The following CPED1 variants were observed in gnomAD, a reference collection of about 807,000 sequenced individuals.
CPED1 encodes cadherin-like and PC-esterase domain-containing protein 1.
In CPED1, 114 loss-of-function variants were observed where a neutral mutation model predicts 128.2. The observed-to-expected ratio is 0.89, with a 90% CI of 0.76 to 1.04. CPED1 has a LOEUF of 1.04. Ranked by LOEUF, CPED1 falls within the 50% of genes least tolerant of loss-of-function variation. The probability of loss-of-function intolerance (pLI) is 0.00; values close to 1 mark genes in which losing one functional copy is unlikely to be tolerated. For missense variants in CPED1, 1,211 were observed against 1,207.1 expected, an observed-to-expected ratio of 1.00 and a Z score of -0.05; for synonymous variants, 462 against 426.7, an observed-to-expected ratio of 1.08 and a Z score of -1.02.
intron 16 of CPED1, among the ~76,000 whole-genome samples, chr7:121,222,941 C>A (rs959013380): frequency 6.6e-6 from 1 of 152,154 alleles, no homozygotes; most frequent in Non-Finnish European, 1.5e-5. Context: ...AACTAATACC[C>A]TTTATTTCTT....
At chr7:121,012,678 A>G (rs1792190938) in intron 2 of CPED1, among the ~76,000 whole-genome samples, 1 of 152,204 alleles carries the variant, frequency 6.6e-6, no homozygotes, top group Non-Finnish European at 1.5e-5. Flanking sequence ...CTGCTGATAC[A>G]GTGTGTTATA....
chr7:121,110,127 A>G (rs1795072362), intron 7 of CPED1, among the ~76,000 whole-genome samples: 1 of 152,210 alleles, frequency 6.6e-6, no homozygotes, highest in African/African-American at 2.4e-5. Context: ...AAATCTGCTT[A>G]CATCTATGGA....
At chr7:120,993,411 G>C (rs992060015) in intron 2 of CPED1, among the ~76,000 whole-genome samples, 9 of 152,112 alleles carry the variant, frequency 5.9e-5, no homozygotes, top group African/African-American at 1.2e-4. Flanking sequence ...TTTGTTGACT[G>C]TTGCTTGACT....
rs748381558 is a variant in CPED1 at position 121,142,022 on chromosome 7, G to A, written c.1936G>A (p.Val646Ile). The A allele has an allele frequency of 8.1e-6, 13 of 1,612,560 alleles. No homozygotes were observed. In the African/African-American group the frequency reaches 1.3e-4, roughly 17 times the overall value. Reference sequence around the variant, plus strand: ...AGGAATGAACAAAATCTCAATATTTGTTGTGGATGAATCTCCAGCACACGG... The same window carrying A: ...AGGAATGAACAAAATCTCAATATTTATTGTGGATGAATCTCCAGCACACGG... ...GLGMNKISIFVVDESPAHGET... is the reference protein window; with the variant it reads ...GLGMNKISIFIVDESPAHGET... The change falls in exon 16 of 23, where the codon GTT becomes ATT. Residue 646 changes from valine (V) to isoleucine (I), a missense_variant. Val to Ile is a conservative substitution (Grantham distance 29). Coordinates refer to ENST00000310396, the MANE Select transcript of CPED1 (RefSeq NM_024913.5).
At chr7:121,233,870 C>T (rs1330963720) in intron 16 of CPED1, among the ~76,000 whole-genome samples, 2 of 152,062 alleles carry the variant, frequency 1.3e-5, no homozygotes. Flanking sequence ...GGTAGCTCCA[C>T]AGCATCACCA....
intron 16 of CPED1, among the ~76,000 whole-genome samples, chr7:121,190,314 AGTAGAGCG>A (rs2116526188): frequency 6.8e-6 from 1 of 146,108 alleles, no homozygotes; most frequent in Non-Finnish European, 1.5e-5. Flanking sequence ...AGAAACAGTG[AGTAGAGCG>A]GGGAGGTTGC....
intron 5 of CPED1, among the ~76,000 whole-genome samples, chr7:121,068,819 G>A (rs1249239418): frequency 1.3e-5 from 2 of 151,982 alleles, no homozygotes. Flanking sequence ...TCTCCTTGAA[G>A]AGGTCCTTCA....
chr7:121,071,423 G>A (rs1793987106), intron 5 of CPED1, among the ~76,000 whole-genome samples: 1 of 152,038 alleles, frequency 6.6e-6, no homozygotes, highest in Non-Finnish European at 1.5e-5. Context: ...GCTAGCCAAG[G>A]ATGACACTGA....
intron 18 of CPED1, among the ~76,000 whole-genome samples, chr7:121,254,925 C>A (rs1798768812): frequency 1.3e-5 from 2 of 148,906 alleles, no homozygotes; most frequent in Non-Finnish European, 3.0e-5. Flanking sequence ...AAAAAACATA[C>A]CAATCAAAAC....
chr7:121,011,259 A>G (rs895592062), intron 2 of CPED1, among the ~76,000 whole-genome samples: 12 of 152,162 alleles, frequency 7.9e-5, no homozygotes, highest in African/African-American at 2.2e-4. Context: ...TTGAAGAGCT[A>G]TATTTCTTGG....
In CPED1 at chr7:121,130,537, T is replaced by C. The variant is rs140355314; in HGVS notation, c.1577+243T>C. Among the ~76,000 whole-genome samples the C allele has an allele frequency of 6.7e-3, 1,016 of 152,216 alleles. 10 individuals carry two copies. The highest frequency in any genetic ancestry group is 0.023 in the African/African-American group (943 of 41,558). ...CCAACAAGACTTGACTCCACTATAA[T>C]GTTTAGAATTGAAAGTTTCAATCTA... On this transcript the variant is annotated intron_variant, in intron 12 of 22. Coordinates refer to ENST00000310396, the MANE Select transcript of CPED1 (RefSeq NM_024913.5).
intron 5 of CPED1, among the ~76,000 whole-genome samples, 189 bp downstream of exon 5, chr7:121,064,502 C>T (rs553522109): frequency 2.6e-5 from 4 of 152,294 alleles, no homozygotes; most frequent in South Asian, 2.1e-4. Flanking sequence ...ACAACCGTAA[C>T]GTAACACTGG....
chr7:121,266,655 GT>G (rs1435414957), intron 19 of CPED1, 51 bp from the exon 20 acceptor site: 1 of 1,413,762 alleles, frequency 7.1e-7, no homozygotes, highest in Non-Finnish European at 1.0e-6. Flanking sequence ...CAGTTACAAT[GT>G]TTACCTTCTG....
intron 4 of CPED1, among the ~76,000 whole-genome samples, chr7:121,059,985 G>T (rs1472376346): frequency 6.6e-6 from 1 of 152,132 alleles, no homozygotes; most frequent in African/African-American, 2.4e-5. Context: ...AGGCGCGAGC[G>T]GGAACCCGGG....
chr7:121,091,511 ATTGTAGCTACTCT>A (rs1794571375), intron 5 of CPED1, among the ~76,000 whole-genome samples: 2 of 152,184 alleles, frequency 1.3e-5, no homozygotes, highest in African/African-American at 4.8e-5. Context: ...AAGGAATAAC[ATTGTAGCTACTCT>A]TTGAAATTTC....
At chr7:121,153,454 AT>A (rs1796205571) in intron 16 of CPED1, among the ~76,000 whole-genome samples, 1 of 152,226 alleles carries the variant, frequency 6.6e-6, no homozygotes, top group African/African-American at 2.4e-5. Flanking sequence ...GATGCATTGC[AT>A]CTGATAATTA....
chr7:121,173,665 C>T (rs1022865077), intron 16 of CPED1, among the ~76,000 whole-genome samples: 4 of 152,048 alleles, frequency 2.6e-5, no homozygotes, highest in African/African-American at 9.7e-5. Context: ...CATGTCATTG[C>T]TGTTGTGAAT....
At chr7:121,038,925 C>T (rs1792973573) in intron 3 of CPED1, among the ~76,000 whole-genome samples, 2 of 152,032 alleles carry the variant, frequency 1.3e-5, no homozygotes, top group South Asian at 4.1e-4. Flanking sequence ...GTTTGTACTA[C>T]CCACATGACT....
intron 16 of CPED1, among the ~76,000 whole-genome samples, chr7:121,221,004 A>G (rs1797862727): frequency 6.6e-6 from 1 of 152,020 alleles, no homozygotes; most frequent in Non-Finnish European, 1.5e-5. Context: ...GTTCTAGGGT[A>G]TAAGTGCACA....
Sources: gnomAD v4.1 joint callset for allele counts (sites outside exome capture counted in the v4.1 genomes callset) on GRCh38, gnomAD v4.1.1 for gene constraint, MANE v1.5 for transcripts, NCBI Gene and HGNC (gene_info 2026-07-23, HGNC 2026-07-21) for gene names.